The following SNX8 variants were observed in gnomAD, a reference collection of about 807,000 sequenced individuals.
The protein encoded by SNX8 is sorting nexin 8, also known as sorting nexin-8.
In SNX8, 25 loss-of-function variants were observed where a neutral mutation model predicts 51.6. That is an observed-to-expected ratio of 0.48 (90% CI 0.35 to 0.68). The LOEUF (loss-of-function observed/expected upper bound fraction) is 0.68. Ranked by LOEUF, SNX8 falls within the 30% of genes least tolerant of loss-of-function variation. SNX8 has a pLI of 0.00. For missense variants in SNX8, 695 were observed against 624.0 expected, an observed-to-expected ratio of 1.11 and a Z score of -1.21; for synonymous variants, 324 against 277.0, an observed-to-expected ratio of 1.17 and a Z score of -1.68.
intron 9 of SNX8, 28 bp downstream of exon 9, chr7:2,257,337 G>A (rs1332348811): frequency 6.3e-6 from 10 of 1,593,792 alleles, no homozygotes; most frequent in Admixed American, 1.7e-5. Flanking sequence ...AGGCTCCCAC[G>A]GGCCTGCTCG....
At position 2,254,738 on chromosome 7, in the gene SNX8, C is replaced by A. The variant is rs1795132546; in HGVS notation, c.*318G>T. The A allele has an allele frequency of 2.5e-6, 1 of 402,434 alleles. No individual in the cohort carries two copies. The highest frequency in any genetic ancestry group is 4.2e-5 in the Admixed American group (1 of 23,774). The allele number at this position is 402,434 out of a possible 1,614,324, so 24.9% of individuals were successfully genotyped here. A position where few individuals can be genotyped will look rare whatever the true frequency, so the allele number is the denominator to read the frequency against. ...CCTGGAGGCCCTGCCTCCACGCTCC[C>A]CCAGGCACAATCTCTGTGAGATGAG... On this transcript the variant is annotated 3_prime_UTR_variant, in exon 11 of 11. Coordinates refer to ENST00000222990, the MANE Select transcript of SNX8 (RefSeq NM_013321.4).
chr7:2,257,529 G>T lies in SNX8; in HGVS notation c.985-15C>A. On this transcript the variant is annotated splice_polypyrimidine_tract_variant and intron_variant, in intron 8 of 10. Transcript: ENST00000222990. ...TCGCACAGGTCCTGCGGGGCCGGGG[G>T]AGGCATTCGCCCGCTGTCTGGATGC... The T allele has an allele frequency of 6.2e-7, 1 of 1,600,456 alleles. No homozygotes were observed. Among genetic ancestry groups the T allele is most frequent in the South Asian group, 1.1e-5 (1 of 90,694 alleles).
intron 1 of SNX8, among the ~76,000 whole-genome samples, chr7:2,297,368 T>C (rs1401605467): frequency 6.6e-6 from 1 of 151,422 alleles, no homozygotes; most frequent in African/African-American, 2.4e-5. Flanking sequence ...CTGGCCAACA[T>C]GGTGAAACCC....
chr7:2,281,904 C>G (rs944401068), intron 1 of SNX8, among the ~76,000 whole-genome samples: 4 of 152,166 alleles, frequency 2.6e-5, no homozygotes, highest in East Asian at 1.9e-4. Flanking sequence ...AGCAACCCCC[C>G]ACAGGCCCCT....
At chr7:2,353,156 G>A (rs1345322699) in intron 1 of SNX8, among the ~76,000 whole-genome samples, 1 of 152,122 alleles carries the variant, frequency 6.6e-6, no homozygotes, top group Non-Finnish European at 1.5e-5. Context: ...GGGCACGGTG[G>A]CACATACCTT....
chr7:2,279,284 A>G (rs1349729546), intron 1 of SNX8, among the ~76,000 whole-genome samples: 1 of 139,124 alleles, frequency 7.2e-6, no homozygotes. Context: ...ACTCACTCAC[A>G]CTACGGAGTC....
intron 7 of SNX8, among the ~76,000 whole-genome samples, chr7:2,260,353 C>G (rs982684604): frequency 6.6e-6 from 1 of 152,162 alleles, no homozygotes; most frequent in Admixed American, 6.5e-5. Flanking sequence ...CCATCTCAGC[C>G]TCCCAAAGTG....
chr7:2,259,937 T>A (rs1398716139), intron 7 of SNX8, among the ~76,000 whole-genome samples: 1 of 151,760 alleles, frequency 6.6e-6, no homozygotes, highest in Non-Finnish European at 1.5e-5. Context: ...AAGAATTGTC[T>A]TGAGCCACAC....
intron 1 of SNX8, chr7:2,307,988 T>C (rs1397933975): frequency 2.0e-5 from 3 of 152,184 alleles, no homozygotes; most frequent in African/African-American, 7.2e-5. Flanking sequence ...ATAACAGTGA[T>C]TCAGTTAGTT....
At chr7:2,327,455 T>C (rs1390785770) in intron 1 of SNX8, among the ~76,000 whole-genome samples, 1 of 152,028 alleles carries the variant, frequency 6.6e-6, no homozygotes, top group East Asian at 1.9e-4. Flanking sequence ...TCGCCCAGGC[T>C]GGAGTGCAGT....
intron 4 of SNX8, among the ~76,000 whole-genome samples, chr7:2,270,163 T>A (rs1440241022): frequency 6.6e-6 from 1 of 151,882 alleles, no homozygotes; most frequent in Non-Finnish European, 1.5e-5. Context: ...CCCTCTCATC[T>A]GAAAGAGGCC....
At chr7:2,339,283 G>T (rs983680991) in intron 1 of SNX8, among the ~76,000 whole-genome samples, 6 of 152,148 alleles carry the variant, frequency 3.9e-5, no homozygotes, top group Non-Finnish European at 7.4e-5. Flanking sequence ...TCGGCTCACT[G>T]CAACCTCCAC....
Position 2,271,851 on chromosome 7 carries a change from G to A in SNX8, c.539C>T (p.Ser180Leu), listed in dbSNP as rs775788473. The change falls in exon 4 of 11, where the codon TCG (serine) becomes TTG (leucine). Residue 180 changes from serine to leucine, a missense_variant and splice_region_variant. Coordinates refer to ENST00000222990, the MANE Select transcript of SNX8 (RefSeq NM_013321.4). ...CATGGGCAGGGCAGACACACTCACC[G>A]AGCCGCTGAAGGACAGGAAGAGCTT... ...VLKLFLSFSG[S>L]DVQNKLKESA... is the part of the protein sequence containing the mutation. The A allele has an allele frequency of 2.9e-5, 46 of 1,604,564 alleles. 1 individual carries two copies. In the Admixed American group the frequency reaches 5.9e-4, roughly 20 times the overall value.
At chr7:2,344,981 G>A (rs978688638) in intron 1 of SNX8, among the ~76,000 whole-genome samples, 2 of 152,148 alleles carry the variant, frequency 1.3e-5, no homozygotes, top group African/African-American at 2.4e-5. Flanking sequence ...CAGATAGGAA[G>A]AAACAGCAAT....
At chr7:2,280,792 C>CT (rs11464982) in intron 1 of SNX8, among the ~76,000 whole-genome samples, 98,405 of 138,768 alleles carry the variant, frequency 0.71, 35,046 homozygotes, top group Non-Finnish European at 0.74. Flanking sequence ...CTAGAATGCC[C>CT]TTTTTTTTTT....
rs560086714 is a variant in SNX8, at chr7:2,277,020, T to C, written c.300+1080A>G. On this transcript the variant is annotated intron_variant, in intron 2 of 10. Transcript: ENST00000222990. ...TCATGACGCTTTTCAAACAAGCCCC[T>C]GGCAGTGCCGTCCGGCCGGGGCTGG... 9.8e-5 allele frequency among the ~76,000 whole-genome samples: 15 copies of C among 152,364 alleles called. No homozygotes were observed. The East Asian group carries it at 2.9e-3, about 29-fold the overall frequency.
intron 1 of SNX8, among the ~76,000 whole-genome samples, chr7:2,326,321 T>A (rs1257743328): frequency 1.3e-5 from 2 of 150,610 alleles, no homozygotes; most frequent in African/African-American, 4.9e-5. Context: ...GCTGTGATCA[T>A]GCCACTGAAC....
At chr7:2,328,012 C>G (rs114615137) in intron 1 of SNX8, among the ~76,000 whole-genome samples, 1 of 151,880 alleles carries the variant, frequency 6.6e-6, no homozygotes, top group Non-Finnish European at 1.5e-5. Context: ...ACCACAGGTG[C>G]GCACCACCAT....
chr7:2,319,452 A>G (rs1028397206), intron 1 of SNX8, among the ~76,000 whole-genome samples: 4 of 150,542 alleles, frequency 2.7e-5, no homozygotes, highest in African/African-American at 9.8e-5. Flanking sequence ...CTGAGGTCAG[A>G]AGTTCAAGAC....
Sources: allele counts gnomAD v4.1 joint callset (sites outside exome capture counted in the v4.1 genomes callset), GRCh38; gene constraint gnomAD v4.1.1; transcripts MANE v1.5; gene names NCBI Gene and HGNC (gene_info 2026-07-23, HGNC 2026-07-21).